DCLK2: variants seen among roughly 807,000 people sequenced by gnomAD.
DCLK2 encodes the protein doublecortin like kinase 2.
DCLK2 carries 31 observed loss-of-function variants against 78.4 expected under a neutral mutation model. The ratio of observed to expected loss-of-function variants is 0.40; its 90% CI spans 0.30 to 0.53. DCLK2 has a LOEUF of 0.53. DCLK2 is among the 20% of genes least tolerant of loss of function. DCLK2 has a pLI of 0.61. For synonymous variants in DCLK2, 407 were observed against 374.9 expected (o/e 1.09, Z -0.99); for missense variants, 872 against 973.7 (o/e 0.90, Z 1.39).
At chr4:150,095,575 A>G (rs946270484) in intron 1 of DCLK2, among the ~76,000 whole-genome samples, 2 of 152,188 alleles carry the variant, frequency 1.3e-5, no homozygotes, top group Non-Finnish European at 2.9e-5. Context: ...CAATGCTCCT[A>G]TGAACATGTG....
At chr4:150,123,766 G>A (rs550604065) in intron 2 of DCLK2, among the ~76,000 whole-genome samples, 3 of 152,266 alleles carry the variant, frequency 2.0e-5, no homozygotes, top group South Asian at 2.1e-4. Context: ...GTTGGACTGG[G>A]TGTGGTGGCT....
intron 2 of DCLK2, among the ~76,000 whole-genome samples, chr4:150,176,710 T>G (rs1051302182): frequency 6.6e-6 from 1 of 152,212 alleles, no homozygotes; most frequent in Non-Finnish European, 1.5e-5. Flanking sequence ...CAGTCCCAGC[T>G]GGAGAAAAGA....
intron 2 of DCLK2, among the ~76,000 whole-genome samples, chr4:150,162,818 C>T (rs2150246435): frequency 6.6e-6 from 1 of 152,134 alleles, no homozygotes; most frequent in East Asian, 1.9e-4. Flanking sequence ...CTCTTTGCTT[C>T]CTGGGACATT....
intron 3 of DCLK2, among the ~76,000 whole-genome samples, chr4:150,195,005 T>G (rs2126388322): frequency 6.7e-6 from 1 of 148,306 alleles, no homozygotes; most frequent in Admixed American, 7.1e-5. Flanking sequence ...TATATTATAT[T>G]CTGTTGGACT....
At chr4:150,123,892 T>C (rs1246314032) in intron 2 of DCLK2, among the ~76,000 whole-genome samples, 2 of 151,984 alleles carry the variant, frequency 1.3e-5, no homozygotes, top group African/African-American at 2.4e-5. Flanking sequence ...AATTAAAAAG[T>C]AGCCGGGTGT....
intron 5 of DCLK2, among the ~76,000 whole-genome samples, chr4:150,208,804 A>G (rs897126106): frequency 6.6e-6 from 1 of 152,190 alleles, no homozygotes; most frequent in African/African-American, 2.4e-5. Context: ...ACCTAACCCC[A>G]TAAAGCTTTA....
intron 2 of DCLK2, among the ~76,000 whole-genome samples, chr4:150,129,721 AAAT>A (rs893102448): frequency 2.0e-5 from 3 of 151,612 alleles, no homozygotes; most frequent in Admixed American, 6.6e-5. Flanking sequence ...TCCGTCTCAA[AAAT>A]AATAATAATT....
intron 5 of DCLK2, among the ~76,000 whole-genome samples, chr4:150,207,277 G>A (rs569916356): frequency 1.3e-4 from 20 of 152,238 alleles, no homozygotes; most frequent in Admixed American, 1.0e-3. Flanking sequence ...TTGGCATTGA[G>A]GGTTTTGTTA....
intron 1 of DCLK2, among the ~76,000 whole-genome samples, chr4:150,088,746 A>T (rs1729827399): frequency 6.6e-6 from 1 of 152,198 alleles, no homozygotes; most frequent in Non-Finnish European, 1.5e-5. Flanking sequence ...ACCTCATGTG[A>T]CAGGTTGCAG....
intron 8 of DCLK2, 135 bp from the exon 9 acceptor site, chr4:150,232,202 G>C (rs145229975): frequency 3.6e-6 from 4 of 1,114,202 alleles, no homozygotes; most frequent in Non-Finnish European, 5.2e-6. Context: ...GTCAGGTTTA[G>C]TTGTCTTTGT....
At chr4:150,150,221 C>T (rs761305036) in intron 2 of DCLK2, among the ~76,000 whole-genome samples, 13 of 152,094 alleles carry the variant, frequency 8.5e-5, no homozygotes, top group Admixed American at 5.2e-4. Context: ...ACTGTCACTC[C>T]GTTAATGAAG....
chr4:150,193,296 G>A, intron 3 of DCLK2, 56 bp downstream of exon 3: 2 of 1,215,176 alleles, frequency 1.6e-6, no homozygotes, highest in Non-Finnish European at 2.4e-6. Flanking sequence ...CTGAAATGAA[G>A]GCTTGGGATT....
chr4:150,079,639 C>G (rs1334877754), intron 1 of DCLK2, among the ~76,000 whole-genome samples, 191 bp downstream of exon 1: 1 of 152,242 alleles, frequency 6.6e-6, no homozygotes, highest in Non-Finnish European at 1.5e-5. Flanking sequence ...GACTTTCCTT[C>G]CCAAGAGGTT....
chr4:150,129,584 G>C lies in DCLK2; in HGVS notation c.756+26772G>C, dbSNP rs1733155126. ...AAAATACAAAAATTAGCTGGGTGTGGTGGCACGTGCCTGTAGTCCCAGCTA... is the reference window on the plus strand; with the variant it reads ...AAAATACAAAAATTAGCTGGGTGTGCTGGCACGTGCCTGTAGTCCCAGCTA... On this transcript the variant is annotated intron_variant, in intron 2 of 15. Coordinates refer to ENST00000296550, the MANE Select transcript of DCLK2 (RefSeq NM_001040260.4). Among the ~76,000 whole-genome samples, 3 of 151,982 alleles carry C rather than the reference G, an allele frequency of 2.0e-5. No homozygotes were observed. The South Asian group carries it at 6.2e-4, about 32-fold the overall frequency.
intron 12 of DCLK2, among the ~76,000 whole-genome samples, chr4:150,241,324 G>A (rs1388056959): frequency 2.6e-5 from 4 of 152,186 alleles, no homozygotes; most frequent in Admixed American, 6.5e-5. Context: ...CAGGGCACGG[G>A]AGCACACTCA....
At chr4:150,183,959 C>T (rs972750472) in intron 2 of DCLK2, among the ~76,000 whole-genome samples, 1 of 151,996 alleles carries the variant, frequency 6.6e-6, no homozygotes, top group African/African-American at 2.4e-5. Flanking sequence ...GTCTCGAACT[C>T]CTGACCCCAA....
intron 1 of DCLK2, among the ~76,000 whole-genome samples, chr4:150,096,005 G>A (rs141364340): frequency 1.2e-4 from 19 of 152,324 alleles, no homozygotes; most frequent in African/African-American, 4.1e-4. Context: ...TTTGGCCTTT[G>A]TTCTAAGGGC....
At chr4:150,206,272 A>G (rs1739834859) in intron 5 of DCLK2, among the ~76,000 whole-genome samples, 1 of 152,196 alleles carries the variant, frequency 6.6e-6, no homozygotes, top group Non-Finnish European at 1.5e-5. Context: ...TTGCTGAGAC[A>G]TTAAGTAAAA....
chr4:150,255,381 A>G (rs1580816913), intron 15 of DCLK2, among the ~76,000 whole-genome samples: 1 of 152,206 alleles, frequency 6.6e-6, no homozygotes, highest in African/African-American at 2.4e-5. Flanking sequence ...TGACTGCCTC[A>G]CATCTTTGTG....
Sources: gnomAD v4.1 joint callset for allele counts (sites outside exome capture counted in the v4.1 genomes callset) on GRCh38, gnomAD v4.1.1 for gene constraint, MANE v1.5 for transcripts, NCBI Gene and HGNC (gene_info 2026-07-23, HGNC 2026-07-21) for gene names.